Variants in AIPL1 observed in about 807,000 individuals in gnomAD.
AIPL1 encodes the protein AIP like 1 HSP90 co-chaperone.
AIPL1 carries 23 observed loss-of-function variants against 32.9 expected under a neutral mutation model. The observed-to-expected ratio is 0.70, with a 90% CI of 0.50 to 0.99. The LOEUF (loss-of-function observed/expected upper bound fraction) is 0.99. Ranked by LOEUF, AIPL1 falls within the 50% of genes least tolerant of loss-of-function variation. The probability of loss-of-function intolerance (pLI) is 0.00; values close to 1 mark genes in which losing one functional copy is unlikely to be tolerated. For missense variants in AIPL1, 485 were observed against 506.0 expected (o/e 0.96, Z 0.40); for synonymous variants, 210 against 209.4 (o/e 1.00, Z -0.02).
chr17:6,424,828 G>A lies in AIPL1; in HGVS notation c.*632C>T, dbSNP rs1911746978. 6.6e-6 allele frequency: 1 copy of A among 152,212 alleles called. No homozygotes were observed. The highest frequency in any genetic ancestry group is 1.5e-5 in the Non-Finnish European group (1 of 68,070). The allele number at this position is 152,212 out of a possible 1,614,324, so 9.4% of individuals were successfully genotyped here. On this transcript the variant is annotated 3_prime_UTR_variant, in exon 6 of 6. Transcript: ENST00000381129. ...GATCCACCCGCCTCGGCCTCCCAAA[G>A]TGCTGGGATTATAGGCGTGAGCCAC... is the stretch of plus-strand genomic sequence containing the variant.
chr17:6,428,551 A>G, intron 2 of AIPL1, 45 bp from the exon 3 acceptor site: 2 of 1,592,902 alleles, frequency 1.3e-6, no homozygotes, highest in African/African-American at 1.3e-5. Context: ...ACCTGCCCAG[A>G]GCTAGGTGGG....
At chr17:6,428,893 A>G (rs999995118) in intron 2 of AIPL1, among the ~76,000 whole-genome samples, 2 of 152,160 alleles carry the variant, frequency 1.3e-5, no homozygotes, top group Admixed American at 1.3e-4. Flanking sequence ...TCTCTGCCCC[A>G]GGGAAACCCT....
chr17:6,427,807 G>T lies in AIPL1; in HGVS notation c.465+511C>A, dbSNP rs1365869797. Among the ~76,000 whole-genome samples, 4 of 124,486 alleles carry T rather than the reference G, an allele frequency of 3.2e-5. No homozygotes were observed. In the East Asian group the frequency reaches 6.8e-4, roughly 21 times the overall value. The allele number at this position is 124,486 out of a possible 152,430, so 81.7% of individuals were successfully genotyped here. On this transcript the variant is annotated intron_variant, in intron 3 of 5. Transcript: ENST00000381129. ...ACATTTTTAAAAACTGGTTCCAAGT[G>T]GACTTTTTTTTTTTTTCTTTTTTTT... is the stretch of plus-strand genomic sequence containing the variant.
In AIPL1 at chr17:6,425,307, G is replaced by GTTTTTTTTTTTTTTTTTTTTTTTTTTTT. The variant is rs77115868; in HGVS notation, c.*152_*153insAAAAAAAAAAAAAAAAAAAAAAAAAAAA. 1 of 672,944 alleles carries GTTTTTTTTTTTTTTTTTTTTTTTTTTTT rather than the reference G, an allele frequency of 1.5e-6. No homozygotes were observed. The highest frequency in any genetic ancestry group is 2.0e-5 in the African/African-American group (1 of 50,086). The allele number at this position is 672,944 out of a possible 1,614,324, so 41.7% of individuals were successfully genotyped here. A position where few individuals can be genotyped will look rare whatever the true frequency, so the allele number is the denominator to read the frequency against. ...TAAGCTCTTCTGTACCCTTGGGATT[G>GTTTTTTTTTTTTTTTTTTTTTTTTTTTT]TTTTTTTTTTTTTTTTTACCATGGG... is the stretch of plus-strand genomic sequence containing the variant. On this transcript the variant is annotated 3_prime_UTR_variant, in exon 6 of 6. Coordinates refer to ENST00000381129, the MANE Select transcript of AIPL1 (RefSeq NM_014336.5).
In AIPL1 at chr17:6,433,617, A is replaced by T. The variant is rs955643692; in HGVS notation, c.276+302T>A. Among the ~76,000 whole-genome samples, 10,824 of 70,012 alleles carry T rather than the reference A, an allele frequency of 0.15. 571 individuals carry two copies. Among genetic ancestry groups the T allele is most frequent in the African/African-American group, 0.24 (3,985 of 16,846 alleles). 45.9% of individuals were successfully genotyped at this position (70,012 alleles called of 152,430 possible). A position where few individuals can be genotyped will look rare whatever the true frequency, so the allele number is the denominator to read the frequency against. ...CTCTCTCTCTCTCTCTCTCTCACACACACACACACACACACACACACACAC... is the reference window on the plus strand; with the variant it reads ...CTCTCTCTCTCTCTCTCTCTCACACTCACACACACACACACACACACACAC... On this transcript the variant is annotated intron_variant, in intron 2 of 5. Transcript: ENST00000381129.
rs184207366 is a variant in AIPL1, at chr17:6,427,512, T to G, written c.466-455A>C. On this transcript the variant is annotated intron_variant, in intron 3 of 5. Coordinates refer to ENST00000381129, the MANE Select transcript of AIPL1 (RefSeq NM_014336.5). ...TTATTTTTATTCACCCACATAGCTC[T>G]CAGGCTGAGCCTCAGTCTTGGCCAT... 2.8e-3 allele frequency among the ~76,000 whole-genome samples: 423 copies of G among 152,324 alleles called. 2 individuals carry two copies. Among genetic ancestry groups the G allele is most frequent in the African/African-American group, 9.9e-3 (411 of 41,578 alleles).
chr17:6,433,611 T>TCTCTCTCACACACA, intron 2 of AIPL1, among the ~76,000 whole-genome samples: 1 of 106,300 alleles, frequency 9.4e-6, no homozygotes, highest in Admixed American at 9.6e-5. Context: ...TCTCTCTCTC[T>TCTCTCTCACACACA]CACACACACA....
Position 6,425,528 on chromosome 17 carries a change from A to T in AIPL1, c.1087T>A (p.Ser363Thr). ...EPPTAPSAEL[S>T]AGPPAEPATE... is the part of the protein sequence containing the mutation. ...GCTGGCTCTGCAGGGGGCCCTGCGG[A>T]CAGCTCTGCAGATGGTGCTGTGGGT... Residue 363 changes from serine (S) to threonine (T), a missense_variant, in exon 6 of 6, where the codon TCC (serine) becomes ACC (threonine). Physicochemically the swap from Ser to Thr is moderately conservative, Grantham distance 58. Transcript: ENST00000381129. The T allele has an allele frequency of 6.2e-7, 1 of 1,611,418 alleles. No homozygotes were observed. The highest frequency in any genetic ancestry group is 8.5e-7 in the Non-Finnish European group (1 of 1,179,516).
chr17:6,426,064 G>T, intron 5 of AIPL1: 1 of 1,168,612 alleles, frequency 8.6e-7, no homozygotes, highest in Non-Finnish European at 1.1e-6. Context: ...TCATAACTTT[G>T]TTTTATTTTT....
chr17:6,425,847 G>A lies in AIPL1; in HGVS notation c.785-17C>T, dbSNP rs1911896644. 6.2e-7 allele frequency: 1 copy of A among 1,600,580 alleles called. No individual in the cohort carries two copies. Among genetic ancestry groups the A allele is most frequent in the Non-Finnish European group, 8.5e-7 (1 of 1,178,880 alleles). ...TCACGATGCCTGTGGGGAGCAGGGA[G>A]CATCCAGCTACAGCTCCCTTCCCAG... On this transcript the variant is annotated splice_polypyrimidine_tract_variant and intron_variant, in intron 5 of 5. Transcript: ENST00000381129.
intron 2 of AIPL1, among the ~76,000 whole-genome samples, chr17:6,430,090 T>C (rs1202543573): frequency 7.0e-6 from 1 of 143,820 alleles, no homozygotes; most frequent in Non-Finnish European, 1.5e-5. Flanking sequence ...TGTGTGTGCA[T>C]GCGTACATGC....
At chr17:6,427,823 TC>T (rs60362158) in intron 3 of AIPL1, among the ~76,000 whole-genome samples, 9,064 of 144,566 alleles carry the variant, frequency 0.063, 628 homozygotes, top group African/African-American at 0.17. Context: ...TTTTTTTTTT[TC>T]TTTTTTTTGG....
At chr17:6,432,564 C>T (rs76045441) in intron 2 of AIPL1, among the ~76,000 whole-genome samples, 6,157 of 151,606 alleles carry the variant, frequency 0.041, 262 homozygotes, top group South Asian at 0.11. Flanking sequence ...GGATATTAGA[C>T]GGCTTTAAGG....
At chr17:6,433,135 A>G (rs112225317) in intron 2 of AIPL1, among the ~76,000 whole-genome samples, 95 of 152,330 alleles carry the variant, frequency 6.2e-4, no homozygotes, top group African/African-American at 2.2e-3. Context: ...CGTTGCCTAA[A>G]GGTCAGTGAG....
At position 6,426,729 on chromosome 17, in the gene AIPL1, T is replaced by C. The variant is rs1477011481; in HGVS notation, c.670A>G (p.Lys224Glu). 1 of 1,614,010 alleles carries C rather than the reference T, an allele frequency of 6.2e-7. No homozygotes were observed. Among genetic ancestry groups the C allele is most frequent in the Non-Finnish European group, 8.5e-7 (1 of 1,179,950 alleles). ...KEKPWEVQWLKLEKMINTLIL... is the reference protein window; with the variant it reads ...KEKPWEVQWLELEKMINTLIL... ...AGAGTATTGATCATCTTCTCCAGCT[T>C]CAGCCACTGCACCTCCCATGGCTTC... The change falls in exon 5 of 6, where the codon AAG becomes GAG. Residue 224 changes from lysine (K) to glutamate (E), a missense_variant. Physicochemically the swap from Lys to Glu is moderately conservative, Grantham distance 56. Coordinates refer to ENST00000381129, the MANE Select transcript of AIPL1 (RefSeq NM_014336.5).
intron 2 of AIPL1, 64 bp from the exon 3 acceptor site, chr17:6,428,570 G>A: frequency 6.6e-7 from 1 of 1,505,148 alleles, no homozygotes; most frequent in Non-Finnish European, 9.2e-7. Context: ...GGCCATAAAA[G>A]GCCTCCACTC....
At chr17:6,431,879 T>C (rs1017885794) in intron 2 of AIPL1, among the ~76,000 whole-genome samples, 20 of 152,200 alleles carry the variant, frequency 1.3e-4, no homozygotes, top group African/African-American at 1.9e-4. Context: ...GGTACATCCA[T>C]GGCAGACTTT....
chr17:6,433,362 C>T (rs190759796), intron 2 of AIPL1, among the ~76,000 whole-genome samples: 4 of 152,180 alleles, frequency 2.6e-5, no homozygotes, highest in East Asian at 3.9e-4. Context: ...TCTGGGAGGC[C>T]GAGACAGGAG....
intron 1 of AIPL1, among the ~76,000 whole-genome samples, chr17:6,434,638 G>C (rs1282884172): frequency 1.3e-5 from 2 of 152,142 alleles, no homozygotes; most frequent in East Asian, 3.9e-4. Context: ...GATTACAGGC[G>C]GGAGCCGCCT....
Sources: gnomAD v4.1 joint callset for allele counts (sites outside exome capture counted in the v4.1 genomes callset) on GRCh38, gnomAD v4.1.1 for gene constraint, MANE v1.5 for transcripts, NCBI Gene and HGNC (gene_info 2026-07-23, HGNC 2026-07-21) for gene names.